ZNF43: variants seen among roughly 807,000 people sequenced by gnomAD.
ZNF43 encodes zinc finger protein 39-like 1 (KOX 27).
A neutral mutation model predicts 68.4 loss-of-function variants in ZNF43; 44 were observed. That is an observed-to-expected ratio of 0.64 (90% CI 0.51 to 0.83). The LOEUF (loss-of-function observed/expected upper bound fraction) is 0.83, where lower values mean the gene tolerates loss of function less well. ZNF43 is among the 40% of genes least tolerant of loss of function. The pLI is 0.00. For missense variants in ZNF43, 896 were observed against 933.2 expected (o/e 0.96, Z 0.52); for synonymous variants, 308 against 307.8 (o/e 1.00, Z -0.01).
intron 3 of ZNF43, among the ~76,000 whole-genome samples, chr19:21,816,736 C>T (rs535943365): frequency 4.7e-4 from 72 of 152,296 alleles, no homozygotes; most frequent in African/African-American, 1.7e-3. Flanking sequence ...GAAATCCTCT[C>T]TGGTACTCAG....
intron 1 of ZNF43, among the ~76,000 whole-genome samples, chr19:21,832,431 T>A (rs2145321949): frequency 6.6e-6 from 1 of 152,224 alleles, no homozygotes; most frequent in East Asian, 1.9e-4. Context: ...TTAAAAAAAC[T>A]TTGGAAGGTA....
intron 1 of ZNF43, among the ~76,000 whole-genome samples, chr19:21,834,760 GGATGGAAA>G (rs2038610119): frequency 2.0e-5 from 3 of 148,114 alleles, no homozygotes; most frequent in Admixed American, 6.7e-5. Flanking sequence ...ATGGAAGCAA[GGATGGAAA>G]GATGGAAGGA....
intron 1 of ZNF43, among the ~76,000 whole-genome samples, chr19:21,829,975 G>A (rs987771985): frequency 6.6e-6 from 1 of 152,158 alleles, no homozygotes; most frequent in East Asian, 1.9e-4. Flanking sequence ...GAGAAGGCTG[G>A]GTGCAGTGGC....
intron 1 of ZNF43, among the ~76,000 whole-genome samples, chr19:21,849,742 CA>C (rs374695528): frequency 0.041 from 5,787 of 141,472 alleles, 303 homozygotes; most frequent in African/African-American, 0.13. Flanking sequence ...AACTCCATCT[CA>C]AAAAAAAAAA....
chr19:21,832,085 A>G (rs2038449746), intron 1 of ZNF43, among the ~76,000 whole-genome samples: 1 of 152,318 alleles, frequency 6.6e-6, no homozygotes, highest in East Asian at 1.9e-4. Flanking sequence ...AGGCATTCCT[A>G]AACAAAAAGA....
intron 1 of ZNF43, chr19:21,851,854 A>G (rs904926390): frequency 1.3e-6 from 2 of 1,537,380 alleles, no homozygotes; most frequent in Non-Finnish European, 1.8e-6. Context: ...CGGTCCCGCC[A>G]CTTTCACAGC....
chr19:21,810,751 C>T (rs1198663891), intron 3 of ZNF43, among the ~76,000 whole-genome samples: 1 of 152,056 alleles, frequency 6.6e-6, no homozygotes, highest in Non-Finnish European at 1.5e-5. Flanking sequence ...AGTTTGAGAC[C>T]AGCCAGGGCA....
At chr19:21,820,568 ACT>A (rs2037772378) in intron 1 of ZNF43, among the ~76,000 whole-genome samples, 1 of 149,256 alleles carries the variant, frequency 6.7e-6, no homozygotes, top group Non-Finnish European at 1.5e-5. Context: ...ACAGAGAAAG[ACT>A]CTGTCTCAAA....
intron 1 of ZNF43, among the ~76,000 whole-genome samples, chr19:21,850,491 C>T (rs926587888): frequency 5.3e-5 from 8 of 151,602 alleles, no homozygotes; most frequent in Admixed American, 2.0e-4. Context: ...ACCTGGGAAG[C>T]GGAAGTTGCA....
chr19:21,809,233 G>A lies in ZNF43; in HGVS notation c.804C>T (p.Asn268=). 1 of 1,613,078 alleles carries A rather than the reference G, an allele frequency of 6.2e-7. No individual in the cohort carries two copies. Among genetic ancestry groups the A allele is most frequent in the Non-Finnish European group, 8.5e-7 (1 of 1,179,630 alleles). ...TATGGGTAGTAAGGATTGAGGACTT[G>A]TTAAAAGCTTTGCCACATTCTTCAC... is the stretch of plus-strand genomic sequence containing the variant. The part of the protein sequence containing the change: ...YKCEECGKAF[N]KSSILTTHKI... The change falls in exon 4 of 4, where the codon AAC becomes AAT. Residue 268 remains asparagine (N), a synonymous_variant. Coordinates refer to ENST00000354959, the MANE Select transcript of ZNF43 (RefSeq NM_003423.4).
chr19:21,814,288 C>CTA (rs2037416190), intron 3 of ZNF43, among the ~76,000 whole-genome samples: 1 of 151,848 alleles, frequency 6.6e-6, no homozygotes, highest in Admixed American at 6.6e-5. Flanking sequence ...ACAAAACAAC[C>CTA]ATTAAAAATT....
At chr19:21,813,119 G>A (rs2037359482) in intron 3 of ZNF43, among the ~76,000 whole-genome samples, 1 of 151,966 alleles carries the variant, frequency 6.6e-6, no homozygotes. Flanking sequence ...GCACATGCCT[G>A]TAATCCCAGC....
intron 1 of ZNF43, among the ~76,000 whole-genome samples, chr19:21,835,023 G>T (rs1282544442): frequency 6.7e-6 from 1 of 150,250 alleles, no homozygotes; most frequent in Admixed American, 6.6e-5. Flanking sequence ...GAGGCGGGTG[G>T]ATCATCTGAG....
chr19:21,809,922 C>T, intron 3 of ZNF43, 115 bp from the exon 4 acceptor site: 1 of 972,020 alleles, frequency 1.0e-6, no homozygotes, highest in South Asian at 2.3e-5. Flanking sequence ...AGAAAAATAC[C>T]ACAGGCCCTA....
At chr19:21,844,311 T>C (rs972367425) in intron 1 of ZNF43, among the ~76,000 whole-genome samples, 9 of 137,920 alleles carry the variant, frequency 6.5e-5, no homozygotes, top group African/African-American at 2.5e-4. Context: ...CTCGTGCCAC[T>C]GTACTCCAGC....
chr19:21,821,334 A>G (rs1599481628), intron 1 of ZNF43, among the ~76,000 whole-genome samples: 2 of 151,476 alleles, frequency 1.3e-5, no homozygotes, highest in Admixed American at 6.6e-5. Flanking sequence ...TTTTTTTCGT[A>G]GAGACGGGGT....
chr19:21,835,964 G>A lies in ZNF43; in HGVS notation c.3+72C>T, dbSNP rs1159707964. 7 of 1,609,122 alleles carry A rather than the reference G, an allele frequency of 4.4e-6. No individual in the cohort carries two copies. In the Admixed American group the frequency reaches 1.2e-4, roughly 27 times the overall value. ...AACTCCGGCACGCGCAGATTGTGGA[G>A]CTGACTGCGGGAAGGCCTGAGTCAC... On this transcript the variant is annotated intron_variant, in intron 1 of 3. Coordinates refer to ENST00000354959, the MANE Select transcript of ZNF43 (RefSeq NM_003423.4).
chr19:21,828,614 G>A (rs1308817434), intron 1 of ZNF43, among the ~76,000 whole-genome samples: 1 of 152,082 alleles, frequency 6.6e-6, no homozygotes, highest in Non-Finnish European at 1.5e-5. Flanking sequence ...CTACTCAGGA[G>A]GCTGAGGCAG....
At chr19:21,812,135 CTT>C in intron 3 of ZNF43, 1 of 375,800 alleles carries the variant, frequency 2.7e-6, no homozygotes, top group Non-Finnish European at 4.7e-6. Flanking sequence ...CTTTTTTTTT[CTT>C]TTTTTTTGAG....
Sources: allele counts gnomAD v4.1 joint callset (sites outside exome capture counted in the v4.1 genomes callset), GRCh38; gene constraint gnomAD v4.1.1; transcripts MANE v1.5; gene names NCBI Gene and HGNC (gene_info 2026-07-23, HGNC 2026-07-21).